Variants in ZNF578 observed in about 807,000 individuals in gnomAD.
ZNF578 encodes the protein Putative chemokine-related protein B42.
In ZNF578, 8 loss-of-function variants were observed where a neutral mutation model predicts 8.3. The observed-to-expected ratio is 0.96, with a 90% confidence interval of 0.56 to 1.74. The LOEUF (loss-of-function observed/expected upper bound fraction) is 1.74, where lower values mean the gene tolerates loss of function less well. ZNF578 is among the 40% of genes most tolerant of loss of function. ZNF578 has a pLI of 0.00. For missense variants in ZNF578, 726 were observed against 707.5 expected, an observed-to-expected ratio of 1.03 and a Z score of -0.30; for synonymous variants, 206 against 232.2, an observed-to-expected ratio of 0.89 and a Z score of 1.03.
chr19:52,503,342 G>A (rs1468376491), intron 4 of ZNF578, among the ~76,000 whole-genome samples: 2 of 151,930 alleles, frequency 1.3e-5, no homozygotes, highest in African/African-American at 2.4e-5. Context: ...CAGCCAGCCC[G>A]GCTGGACTCT....
intron 2 of ZNF578, among the ~76,000 whole-genome samples, chr19:52,476,872 A>G (rs962052061): frequency 6.6e-6 from 1 of 152,168 alleles, no homozygotes; most frequent in African/African-American, 2.4e-5. Context: ...CTTTTCTTTA[A>G]TTTGTATTAC....
chr19:52,482,499 G>A lies in ZNF578; in HGVS notation c.-121-8825G>A, dbSNP rs145952355. On this transcript the variant is annotated intron_variant, in intron 2 of 5. Transcript: ENST00000421239. Reference sequence around the variant, plus strand: ...AAAAAAATACAAAACTTAGCCGGGCGTGGTGGCAGACGCCTGTAATCCCAC... The same window carrying A: ...AAAAAAATACAAAACTTAGCCGGGCATGGTGGCAGACGCCTGTAATCCCAC... Among the ~76,000 whole-genome samples, 374 of 152,262 alleles carry A rather than the reference G, an allele frequency of 2.5e-3. 1 individual carries two copies. Among genetic ancestry groups the A allele is most frequent in the Non-Finnish European group, 3.6e-3 (243 of 68,026 alleles).
chr19:52,514,603 C>A lies in ZNF578; in HGVS notation c.*2449C>A, dbSNP rs867258211. On this transcript the variant is annotated 3_prime_UTR_variant, in exon 6 of 6. Coordinates refer to ENST00000421239, the MANE Select transcript of ZNF578 (RefSeq NM_001099694.2). ...TTCCCTCAAGGCCCTGTGGTCCATT[C>A]TGGAAAAATGTTGAAACATGGGCTG... Among the ~76,000 whole-genome samples, 16 of 152,284 alleles carry A rather than the reference C, an allele frequency of 1.1e-4. No individual in the cohort carries two copies. In the East Asian group the frequency reaches 2.9e-3, roughly 28 times the overall value.
At position 52,491,660 on chromosome 19, in the gene ZNF578, A is replaced by C. The variant is rs2059365322; in HGVS notation, c.-20+235A>C. Among the ~76,000 whole-genome samples the C allele has an allele frequency of 2.0e-5, 3 of 152,254 alleles. No homozygotes were observed. The South Asian group carries it at 6.2e-4, about 32-fold the overall frequency. ...CACCCAGTAGGCAGAGGCTGCAGTG[A>C]GCCACGATCTCGCAACTGCACCCCA... On this transcript the variant is annotated intron_variant, in intron 3 of 5. Coordinates refer to ENST00000421239, the MANE Select transcript of ZNF578 (RefSeq NM_001099694.2).
At chr19:52,483,785 C>G (rs370987597) in intron 2 of ZNF578, among the ~76,000 whole-genome samples, 29 of 152,266 alleles carry the variant, frequency 1.9e-4, no homozygotes, top group African/African-American at 6.5e-4. Flanking sequence ...CATAATTGCA[C>G]CCTCCGACAC....
intron 2 of ZNF578, among the ~76,000 whole-genome samples, chr19:52,490,155 A>G (rs1252540134): frequency 2.0e-5 from 3 of 152,124 alleles, no homozygotes; most frequent in South Asian, 2.1e-4. Flanking sequence ...TACACATTCT[A>G]TGTCTTATAT....
At chr19:52,501,131 C>A (rs1242044903) in intron 3 of ZNF578, among the ~76,000 whole-genome samples, 1 of 152,162 alleles carries the variant, frequency 6.6e-6, no homozygotes, top group Non-Finnish European at 1.5e-5. Flanking sequence ...GCCGCCTCGG[C>A]CTCCCAAAGT....
intron 2 of ZNF578, among the ~76,000 whole-genome samples, chr19:52,489,642 G>T (rs941152537): frequency 4.6e-5 from 7 of 151,714 alleles, no homozygotes; most frequent in African/African-American, 1.7e-4. Context: ...TCCTATTCAC[G>T]TATAGTCAAC....
chr19:52,505,229 G>C (rs1037065829), intron 5 of ZNF578, among the ~76,000 whole-genome samples: 4 of 151,766 alleles, frequency 2.6e-5, no homozygotes, highest in Non-Finnish European at 4.4e-5. Flanking sequence ...TCTCTCACTG[G>C]CACTGTGACA....
intron 2 of ZNF578, chr19:52,475,329 A>C (rs2059304656): frequency 4.9e-6 from 1 of 204,940 alleles, no homozygotes. Context: ...ACCAGAAGAA[A>C]TTTTTTCTTT....
rs112789510 is a variant in ZNF578, at chr19:52,513,455, G to A, written c.*1301G>A. ...AGTTTTAAAAGGGATATCAGGCTGG[G>A]TGTGGCAGCTCACGCCGGTAATCCC... is the stretch of plus-strand genomic sequence containing the variant. On this transcript the variant is annotated 3_prime_UTR_variant, in exon 6 of 6. Coordinates refer to ENST00000421239, the MANE Select transcript of ZNF578 (RefSeq NM_001099694.2). 0.011 allele frequency among the ~76,000 whole-genome samples: 1,712 copies of A among 150,738 alleles called. 13 individuals carry two copies. Among genetic ancestry groups the A allele is most frequent in the Non-Finnish European group, 0.014 (944 of 67,870 alleles).
intron 2 of ZNF578, among the ~76,000 whole-genome samples, chr19:52,482,740 C>T (rs1480346999): frequency 6.6e-6 from 1 of 151,944 alleles, no homozygotes; most frequent in Non-Finnish European, 1.5e-5. Flanking sequence ...AGTTCAAGAC[C>T]AGCCTGGCCT....
intron 2 of ZNF578, among the ~76,000 whole-genome samples, chr19:52,476,555 C>G (rs976930239): frequency 2.0e-5 from 3 of 152,206 alleles, no homozygotes; most frequent in African/African-American, 7.2e-5. Flanking sequence ...TTTTCCCACT[C>G]TGATATCCCA....
At chr19:52,475,547 C>T (rs571379068) in intron 2 of ZNF578, among the ~76,000 whole-genome samples, 1 of 152,058 alleles carries the variant, frequency 6.6e-6, no homozygotes, top group South Asian at 2.1e-4. Context: ...TTAGTAGAGA[C>T]GGGGTTTCAC....
At chr19:52,501,083 TGGC>T (rs2059405433) in intron 3 of ZNF578, among the ~76,000 whole-genome samples, 1 of 152,034 alleles carries the variant, frequency 6.6e-6, no homozygotes, top group East Asian at 1.9e-4. Flanking sequence ...TTCGCCATGT[TGGC>T]CAGTCTGGTC....
At chr19:52,487,876 A>T (rs2059350967) in intron 2 of ZNF578, among the ~76,000 whole-genome samples, 1 of 151,630 alleles carries the variant, frequency 6.6e-6, no homozygotes, top group African/African-American at 2.4e-5. Flanking sequence ...GGCTGAAAGG[A>T]TCCTCCTGCC....
chr19:52,489,136 G>A (rs2059356262), intron 2 of ZNF578, among the ~76,000 whole-genome samples: 1 of 151,884 alleles, frequency 6.6e-6, no homozygotes, highest in Non-Finnish European at 1.5e-5. Flanking sequence ...GAGGGTGGTG[G>A]CATGCGTCTG....
Position 52,511,847 on chromosome 19 carries a change from A to G in ZNF578, c.1466A>G (p.His489Arg). ...AAACCTTACAAGTGTAATGAGTGTCACAAGACCTTCAGTCACAGGTCATCT... is the reference window on the plus strand; with the variant it reads ...AAACCTTACAAGTGTAATGAGTGTCGCAAGACCTTCAGTCACAGGTCATCT... ...GEKPYKCNEC[H>R]KTFSHRSSLP... Residue 489 changes from histidine (H) to arginine (R), a missense_variant, in exon 6 of 6, where the codon CAC (histidine) becomes CGC (arginine). Transcript: ENST00000421239. The G allele has an allele frequency of 1.2e-6, 2 of 1,612,962 alleles. No homozygotes were observed. The highest frequency in any genetic ancestry group is 1.7e-6 in the Non-Finnish European group (2 of 1,179,600).
chr19:52,493,782 C>G (rs1210545073), intron 3 of ZNF578, among the ~76,000 whole-genome samples: 2 of 151,006 alleles, frequency 1.3e-5, no homozygotes, highest in Admixed American at 1.3e-4. Flanking sequence ...CCTGAGGTCC[C>G]GAGTTCGAGA....
Sources: gnomAD v4.1 joint callset for allele counts (sites outside exome capture counted in the v4.1 genomes callset) on GRCh38, gnomAD v4.1.1 for gene constraint, MANE v1.5 for transcripts, NCBI Gene and HGNC (gene_info 2026-07-23, HGNC 2026-07-21) for gene names.